SOX6: variants seen among roughly 807,000 people sequenced by gnomAD.
SOX6 encodes the protein transcription factor SOX-6.
SOX6 carries 11 observed loss-of-function variants against 97.8 expected under a neutral mutation model. That is an observed-to-expected ratio of 0.11 (90% CI 0.07 to 0.19). The LOEUF is 0.19. SOX6 is among the 10% of genes least tolerant of loss of function. SOX6 has a pLI of 1.00. For synonymous variants in SOX6, 360 were observed against 371.4 expected, an observed-to-expected ratio of 0.97 and a Z score of 0.35; for missense variants, 810 against 1,039.5, an observed-to-expected ratio of 0.78 and a Z score of 3.04.
chr11:16,578,545 T>G (rs1482376102), intron 4 of SOX6, among the ~76,000 whole-genome samples: 1 of 152,138 alleles, frequency 6.6e-6, no homozygotes, highest in Non-Finnish European at 1.5e-5. Context: ...ACTGTCAAGT[T>G]GCTGTAAGGC....
At chr11:16,719,163 G>C (rs752736854) in intron 2 of SOX6, among the ~76,000 whole-genome samples, 1 of 152,092 alleles carries the variant, frequency 6.6e-6, no homozygotes, top group Admixed American at 6.6e-5. Context: ...ACTTAACTGA[G>C]TAATTAATGA....
rs1184763746 is a variant in SOX6 at position 16,300,079 on chromosome 11, A to T, written c.445+18367T>A. Among the ~76,000 whole-genome samples the T allele has an allele frequency of 1.3e-5, 2 of 152,130 alleles. No individual in the cohort carries two copies. Among genetic ancestry groups the T allele is most frequent in the Non-Finnish European group, 2.9e-5 (2 of 68,018 alleles). On this transcript the variant is annotated intron_variant, in intron 3 of 15. Coordinates refer to ENST00000683767, the MANE Select transcript of SOX6 (RefSeq NM_001367873.1). The surrounding 1 kb of genome is among the most constrained non-coding windows in gnomAD (Gnocchi z 4.1). ...CTCAGGGAGGAAGTGACATCTTCTA[A>T]TTTCAGACAAAACATGGAGGTGAGG...
intron 4 of SOX6, among the ~76,000 whole-genome samples, chr11:16,498,537 C>A (rs1464426523): frequency 3.3e-5 from 5 of 151,986 alleles, no homozygotes; most frequent in African/African-American, 1.2e-4. Flanking sequence ...AGTCAAGACC[C>A]ATCAGTGTGC....
At chr11:16,305,258 G>A (rs940621172) in intron 3 of SOX6, among the ~76,000 whole-genome samples, 2 of 152,094 alleles carry the variant, frequency 1.3e-5, no homozygotes, top group African/African-American at 4.8e-5. Flanking sequence ...GAAAACATGA[G>A]AAGACATTTT....
intron 3 of SOX6, among the ~76,000 whole-genome samples, chr11:16,668,900 T>G (rs1847827415): frequency 6.6e-6 from 1 of 152,210 alleles, no homozygotes. Context: ...AAGCAAATAT[T>G]ACTAGCATGA....
intron 2 of SOX6, among the ~76,000 whole-genome samples, chr11:16,333,167 T>C (rs1474248465): frequency 1.3e-5 from 2 of 152,288 alleles, no homozygotes; most frequent in Non-Finnish European, 1.5e-5. Flanking sequence ...TCTCAAGGTG[T>C]GCAGACACAA....
intron 4 of SOX6, among the ~76,000 whole-genome samples, chr11:16,492,382 C>T (rs1322669170): frequency 6.6e-6 from 1 of 152,170 alleles, no homozygotes; most frequent in Non-Finnish European, 1.5e-5. Flanking sequence ...AACATTCTGC[C>T]ACCTTCTGCT....
At chr11:16,087,303 G>C (rs1276384103) in intron 9 of SOX6, among the ~76,000 whole-genome samples, 2 of 151,884 alleles carry the variant, frequency 1.3e-5, no homozygotes, top group Non-Finnish European at 2.9e-5. Context: ...TAAAAATTTT[G>C]TTTTAGAAAG....
chr11:15,990,168 C>T (rs1432830632), intron 13 of SOX6, among the ~76,000 whole-genome samples: 3 of 151,926 alleles, frequency 2.0e-5, no homozygotes, highest in Admixed American at 2.0e-4. Flanking sequence ...CTCCTTTCCA[C>T]TCCTCTCAGG....
At chr11:16,208,837 G>T (rs1011028929) in intron 4 of SOX6, among the ~76,000 whole-genome samples, 2 of 152,166 alleles carry the variant, frequency 1.3e-5, no homozygotes, top group Non-Finnish European at 2.9e-5. Flanking sequence ...CATTCAAATT[G>T]TAAGTCAGAT....
intron 1 of SOX6, among the ~76,000 whole-genome samples, chr11:16,401,327 T>C (rs1858553207): frequency 6.6e-6 from 1 of 151,448 alleles, no homozygotes; most frequent in African/African-American, 2.4e-5. Flanking sequence ...TTGTTTGTTT[T>C]TGACAGGGAA....
At chr11:16,097,748 G>A (rs1848836471) in intron 7 of SOX6, 60 bp from the exon 8 acceptor site, 2 of 1,432,520 alleles carry the variant, frequency 1.4e-6, no homozygotes, top group Non-Finnish European at 9.8e-7. Flanking sequence ...CAGCAGACAA[G>A]TACAAACATG....
intron 9 of SOX6, among the ~76,000 whole-genome samples, chr11:16,080,939 A>G (rs1480161524): frequency 2.6e-5 from 4 of 152,080 alleles, no homozygotes; most frequent in Admixed American, 2.0e-4. Context: ...TTTTAAAAAA[A>G]TTAGTCAGGC....
At chr11:16,246,557 CA>C (rs1853342594) in intron 3 of SOX6, among the ~76,000 whole-genome samples, 1 of 151,640 alleles carries the variant, frequency 6.6e-6, no homozygotes, top group African/African-American at 2.4e-5. Context: ...CAAAGTATGT[CA>C]TTGTGATATC....
At chr11:16,602,859 A>T (rs560237286) in intron 4 of SOX6, among the ~76,000 whole-genome samples, 20 of 152,162 alleles carry the variant, frequency 1.3e-4, no homozygotes, top group Middle Eastern at 6.8e-3. Flanking sequence ...TCATCTCCAC[A>T]AAAATACAAA....
chr11:16,101,194 C>T (rs1403252711), intron 7 of SOX6, among the ~76,000 whole-genome samples: 3 of 151,656 alleles, frequency 2.0e-5, no homozygotes, highest in Non-Finnish European at 3.0e-5. Context: ...TGCCTGGATG[C>T]ACGCATTTGG....
chr11:16,020,283 T>C (rs1855014127), intron 12 of SOX6, among the ~76,000 whole-genome samples: 1 of 152,018 alleles, frequency 6.6e-6, no homozygotes, highest in South Asian at 2.1e-4. Flanking sequence ...CATCACTAAC[T>C]ACCCCAGCAC....
intron 3 of SOX6, among the ~76,000 whole-genome samples, chr11:16,280,046 T>C (rs1854508051): frequency 6.6e-6 from 1 of 152,112 alleles, no homozygotes; most frequent in Non-Finnish European, 1.5e-5. Flanking sequence ...AACAACAAAA[T>C]GTATCAAGAA....
intron 6 of SOX6, among the ~76,000 whole-genome samples, chr11:16,138,025 G>T (rs573571387): frequency 5.1e-4 from 77 of 152,250 alleles, no homozygotes; most frequent in Non-Finnish European, 7.1e-4. Flanking sequence ...CTTCATAGCA[G>T]CATGAGAAGA....
Sources: gnomAD v4.1 joint callset for allele counts (sites outside exome capture counted in the v4.1 genomes callset) on GRCh38, gnomAD v4.1.1 for gene constraint, Gnocchi (gnomAD v3.1) non-coding constraint, MANE v1.5 for transcripts, NCBI Gene and HGNC (gene_info 2026-07-23, HGNC 2026-07-21) for gene names.